Variants in ATP13A3 observed in about 807,000 individuals in gnomAD.
The protein encoded by ATP13A3 is ATPase 13A3.
Under a neutral mutation model 158.1 loss-of-function variants are expected in ATP13A3, and 59 were observed. The ratio of observed to expected loss-of-function variants is 0.37; its 90% confidence interval spans 0.30 to 0.46. The LOEUF (loss-of-function observed/expected upper bound fraction) is 0.46, where lower values mean the gene tolerates loss of function less well. Ranked by LOEUF, ATP13A3 falls within the 20% of genes least tolerant of loss-of-function variation. ATP13A3 has a pLI of 1.00. For missense variants in ATP13A3, 1,166 were observed against 1,525.2 expected (o/e 0.76, Z 3.92); for synonymous variants, 491 against 504.3 (o/e 0.97, Z 0.35).
intron 33 of ATP13A3, among the ~76,000 whole-genome samples, chr3:194,410,103 G>A (rs1167569706): frequency 2.0e-5 from 3 of 151,388 alleles, no homozygotes; most frequent in Non-Finnish European, 4.4e-5. Context: ...CACCTGCTCT[G>A]GACCACTCTC....
At chr3:194,468,386 T>TAAAAAAAAAAAAAAAAAAAAAAAAAAAAA (rs35011462) in intron 2 of ATP13A3, 1 of 111,880 alleles carries the variant, frequency 8.9e-6, no homozygotes, top group African/African-American at 3.9e-5. Flanking sequence ...TGTGTGAGTT[T>TAAAAAAAAAAAAAAAAAAAAAAAAAAAAA]AAAAAAAAAA....
At chr3:194,446,779 C>T in intron 14 of ATP13A3, 148 bp downstream of exon 14, 1 of 680,750 alleles carries the variant, frequency 1.5e-6, no homozygotes, top group Non-Finnish European at 2.4e-6. Context: ...AAAAATGATG[C>T]ATATACCAAA....
In ATP13A3 at chr3:194,450,284, T is replaced by TAAAG. The variant is rs761327844; in HGVS notation, c.839-12_839-9dup. ...AAAAGATTTCTTCTATTTCTGAAAT[T>TAAAG]AAAGAAAGAAAGAAAAATCTGAAAA... On this transcript the variant is annotated splice_polypyrimidine_tract_variant and intron_variant, in intron 10 of 33. Coordinates refer to ENST00000645319, the MANE Select transcript of ATP13A3 (RefSeq NM_001367549.1). 6.3e-5 allele frequency: 102 copies of TAAAG among 1,608,496 alleles called. No individual in the cohort carries two copies. The Admixed American group carries it at 1.6e-3, about 25-fold the overall frequency.
intron 8 of ATP13A3, among the ~76,000 whole-genome samples, 173 bp from the exon 9 acceptor site, chr3:194,454,565 A>T (rs555565372): frequency 1.3e-5 from 2 of 152,238 alleles, no homozygotes; most frequent in African/African-American, 4.8e-5. Flanking sequence ...GCGGTGGCTC[A>T]CGCCTGTAAT....
intron 11 of ATP13A3, among the ~76,000 whole-genome samples, chr3:194,449,594 C>T (rs1718660771): frequency 6.6e-6 from 1 of 152,018 alleles, no homozygotes; most frequent in Admixed American, 6.6e-5. Context: ...ATAAGAGCTG[C>T]TTGAACCTGG....
At position 194,423,446 on chromosome 3, in the gene ATP13A3, TAACA is replaced by T. The variant is rs771778491; in HGVS notation, c.3313+1892_3313+1895del. ...TGACAAACAGACAAGAGGTGAAAAC[TAACA>T]GACAGGTCCTAGAAAGGACTCTGCA... On this transcript the variant is annotated intron_variant, in intron 30 of 33. Coordinates refer to ENST00000645319, the MANE Select transcript of ATP13A3 (RefSeq NM_001367549.1). 8.1e-4 allele frequency among the ~76,000 whole-genome samples: 123 copies of T among 152,254 alleles called. 2 individuals carry two copies. Among genetic ancestry groups the T allele is most frequent in the South Asian group, 3.1e-3 (15 of 4,822 alleles).
intron 2 of ATP13A3, among the ~76,000 whole-genome samples, chr3:194,475,549 G>A (rs7650704): frequency 0.12 from 18,534 of 152,178 alleles, 1,872 homozygotes; most frequent in African/African-American, 0.27. Flanking sequence ...CATAGACAAT[G>A]CAAAGGCCGT....
chr3:194,425,958 T>C (rs1213140393), intron 29 of ATP13A3, among the ~76,000 whole-genome samples: 1 of 152,206 alleles, frequency 6.6e-6, no homozygotes, highest in African/African-American at 2.4e-5. Flanking sequence ...TGCAAATGCC[T>C]AGCGAGTCCC....
chr3:194,447,651 T>C (rs1718496100), intron 13 of ATP13A3, among the ~76,000 whole-genome samples: 1 of 151,956 alleles, frequency 6.6e-6, no homozygotes, highest in African/African-American at 2.4e-5. Context: ...AGAAGTATCC[T>C]TTACAATGGA....
chr3:194,440,115 T>C (rs921006572), intron 16 of ATP13A3, among the ~76,000 whole-genome samples: 1 of 151,942 alleles, frequency 6.6e-6, no homozygotes, highest in Non-Finnish European at 1.5e-5. Context: ...ATCCTGTAAA[T>C]GTAAACAGAA....
chr3:194,485,056 CA>C lies in ATP13A3; in HGVS notation c.-47+737del, dbSNP rs202057558. Among the ~76,000 whole-genome samples the C allele has an allele frequency of 9.8e-3, 1,167 of 119,240 alleles. 2 individuals carry two copies. The highest frequency in any genetic ancestry group is 0.016 in the African/African-American group (552 of 34,902). The allele number at this position is 119,240 out of a possible 152,430, so 78.2% of individuals were successfully genotyped here. ...TGGGCAACAGAGCAAGATGCCATCT[CA>C]AAAAAAAAAAAAAAAATTTAAAGCA... On this transcript the variant is annotated intron_variant, in intron 2 of 33. Coordinates refer to ENST00000645319, the MANE Select transcript of ATP13A3 (RefSeq NM_001367549.1).
At position 194,422,039 on chromosome 3, in the gene ATP13A3, C is replaced by T. The variant is rs1259003028; in HGVS notation, c.3314-2072G>A. ...TCAAATTTTCATGTCTCTCCCAGAG[C>T]CACCTCTTGGATCCCACCTCTAAAA... is the stretch of plus-strand genomic sequence containing the variant. On this transcript the variant is annotated intron_variant, in intron 30 of 33. Transcript: ENST00000645319. Among the ~76,000 whole-genome samples the T allele has an allele frequency of 2.0e-5, 3 of 151,466 alleles. No individual in the cohort carries two copies. In the East Asian group the frequency reaches 5.8e-4, roughly 29 times the overall value.
At chr3:194,421,552 CA>C (rs34760027) in intron 30 of ATP13A3, among the ~76,000 whole-genome samples, 26,095 of 71,806 alleles carry the variant, frequency 0.36, 2,501 homozygotes, top group African/African-American at 0.47. Flanking sequence ...GACTCCATCT[CA>C]AAAAAAAAAA....
At chr3:194,433,032 T>C (rs535376501) in intron 21 of ATP13A3, among the ~76,000 whole-genome samples, 3 of 152,158 alleles carry the variant, frequency 2.0e-5, no homozygotes, top group Admixed American at 6.5e-5. Flanking sequence ...TCATTTTCTA[T>C]GTAGCTGACA....
At chr3:194,456,041 G>C (rs1396247441) in intron 7 of ATP13A3, 79 bp from the exon 8 acceptor site, 5 of 816,974 alleles carry the variant, frequency 6.1e-6, no homozygotes, top group South Asian at 2.2e-5. Flanking sequence ...ATTAGGTAAG[G>C]CTTAAACCAC....
intron 2 of ATP13A3, among the ~76,000 whole-genome samples, chr3:194,463,446 T>C (rs1158844801): frequency 6.6e-6 from 1 of 152,222 alleles, no homozygotes; most frequent in Middle Eastern, 3.2e-3. Flanking sequence ...TTGTAATAAA[T>C]ATTTGAAATA....
intron 2 of ATP13A3, among the ~76,000 whole-genome samples, chr3:194,478,274 C>G (rs1049074877): frequency 2.0e-5 from 3 of 151,458 alleles, no homozygotes; most frequent in African/African-American, 7.3e-5. Context: ...CCTTAAGGAA[C>G]CACATCTAGT....
chr3:194,493,201 A>G (rs1438906890), intron 2 of ATP13A3, among the ~76,000 whole-genome samples: 5 of 152,050 alleles, frequency 3.3e-5, no homozygotes, highest in African/African-American at 1.2e-4. Flanking sequence ...CTGGTAAAGA[A>G]TAAGTCAGTT....
chr3:194,485,402 G>T (rs1485296775), intron 2 of ATP13A3, among the ~76,000 whole-genome samples: 1 of 152,168 alleles, frequency 6.6e-6, no homozygotes, highest in Non-Finnish European at 1.5e-5. Flanking sequence ...ATATATTCCA[G>T]TGAAACAAAA....
Sources: allele counts gnomAD v4.1 joint callset (sites outside exome capture counted in the v4.1 genomes callset), GRCh38; gene constraint gnomAD v4.1.1; transcripts MANE v1.5; gene names NCBI Gene and HGNC (gene_info 2026-07-23, HGNC 2026-07-21).